The following CEP290 variants were observed in gnomAD, a reference collection of about 807,000 sequenced individuals.
CEP290 encodes centrosomal protein of 290 kDa.
Under a neutral mutation model 344.9 loss-of-function variants are expected in CEP290, and 317 were observed. The observed-to-expected ratio is 0.92, with a 90% CI of 0.84 to 1.01. CEP290 has a LOEUF of 1.01. Ranked by LOEUF, CEP290 falls within the 50% of genes least tolerant of loss-of-function variation. CEP290 has a pLI of 0.00. For synonymous variants in CEP290, 932 were observed against 895.8 expected (o/e 1.04, Z -0.72); for missense variants, 2,754 against 2,761.4 (o/e 1.00, Z 0.06).
At position 88,064,165 on chromosome 12, in the gene CEP290, CCATAAAAGA is replaced by C. The variant is rs2136817209; in HGVS notation, c.6136-59_6136-51del. On this transcript the variant is annotated intron_variant, in intron 44 of 53. Transcript: ENST00000552810. ...ATTTTTAAAGTTTAATAAATAAAAG[CCATAAAAGA>C]CATACTGGATAAGAAAATACTGTCA... 6 of 1,428,348 alleles carry C rather than the reference CCATAAAAGA, an allele frequency of 4.2e-6. No individual in the cohort carries two copies. The East Asian group carries it at 1.0e-4, about 24-fold the overall frequency. 88.5% of individuals were successfully genotyped at this position (1,428,348 alleles called of 1,614,324 possible).
intron 6 of CEP290, among the ~76,000 whole-genome samples, chr12:88,134,939 T>C (rs2040272621): frequency 6.6e-6 from 1 of 152,168 alleles, no homozygotes; most frequent in Admixed American, 6.5e-5. Flanking sequence ...CTTACCAGTC[T>C]AACTATACTT....
At chr12:88,061,937 C>T (rs1362544661) in intron 46 of CEP290, among the ~76,000 whole-genome samples, 3 of 152,044 alleles carry the variant, frequency 2.0e-5, no homozygotes, top group African/African-American at 4.8e-5. Context: ...AGCCACCATG[C>T]CCAGCTAATT....
At chr12:88,071,267 G>A (rs1371421338) in intron 43 of CEP290, 27 bp downstream of exon 43, 2 of 1,571,980 alleles carry the variant, frequency 1.3e-6, no homozygotes, top group Admixed American at 1.7e-5. Context: ...ATTACAATGG[G>A]TGGCACATTT....
Position 88,096,915 on chromosome 12 carries a change from G to T in CEP290, c.3076C>A (p.Gln1026Lys). 1 of 1,575,654 alleles carries T rather than the reference G, an allele frequency of 6.3e-7. No homozygotes were observed. Residue 1026 changes from glutamine to lysine, a missense_variant, in exon 27 of 54, where the codon CAA (glutamine) becomes AAA (lysine). Coordinates refer to ENST00000552810, the MANE Select transcript of CEP290 (RefSeq NM_025114.4). ...ITKEKLHTIE[Q>K]AWEQETKLGN... ...AATTTAGTTTCCTGTTCCCAGGCTT[G>T]TTCAATAGTGTGAAGTTTTTCCTTG...
intron 30 of CEP290, 130 bp downstream of exon 30, chr12:88,090,598 C>T (rs2137299552): frequency 1.6e-6 from 1 of 630,328 alleles, no homozygotes; most frequent in Non-Finnish European, 2.7e-6. Flanking sequence ...CCACTGCACT[C>T]CACCCTGGGC....
chr12:88,134,378 T>C (rs1206645452), intron 6 of CEP290, among the ~76,000 whole-genome samples: 1 of 152,232 alleles, frequency 6.6e-6, no homozygotes, highest in Non-Finnish European at 1.5e-5. Context: ...TTAACACAAA[T>C]GTTTCCTTAC....
intron 41 of CEP290, among the ~76,000 whole-genome samples, chr12:88,073,735 C>T (rs1411985795): frequency 6.6e-6 from 1 of 151,810 alleles, no homozygotes; most frequent in African/African-American, 2.4e-5. Flanking sequence ...GTTCAAAGAC[C>T]AGCCAGGGCA....
At chr12:88,073,648 A>T (rs551141752) in intron 41 of CEP290, among the ~76,000 whole-genome samples, 15 of 152,230 alleles carry the variant, frequency 9.9e-5, no homozygotes, top group Middle Eastern at 3.4e-3. Flanking sequence ...TTTAAAGTCA[A>T]ATTCCTGGGG....
At chr12:88,080,472 C>T in intron 37 of CEP290, 77 bp from the exon 38 acceptor site, 1 of 1,061,776 alleles carries the variant, frequency 9.4e-7, no homozygotes, top group Non-Finnish European at 1.4e-6. Context: ...CTCTGTCACC[C>T]AGGCTGGAGT....
At chr12:88,131,742 A>G (rs981581030) in intron 6 of CEP290, among the ~76,000 whole-genome samples, 3 of 152,216 alleles carry the variant, frequency 2.0e-5, no homozygotes, top group African/African-American at 7.2e-5. Flanking sequence ...CATTTTAAAG[A>G]ATTAAAAAGA....
intron 29 of CEP290, among the ~76,000 whole-genome samples, chr12:88,092,250 T>A (rs1212076863): frequency 6.6e-6 from 1 of 152,168 alleles, no homozygotes; most frequent in Non-Finnish European, 1.5e-5. Flanking sequence ...CCGATAAATG[T>A]AAACTAAATC....
At chr12:88,111,587 T>C (rs1565885009) in intron 21 of CEP290, 107 bp downstream of exon 21, 1 of 984,012 alleles carries the variant, frequency 1.0e-6, no homozygotes, top group Non-Finnish European at 1.4e-6. Flanking sequence ...AAAGAATTAA[T>C]TCAAGGGGCA....
rs771864158 is a variant in CEP290 at position 88,080,261 on chromosome 12, G to T, written c.5147C>A (p.Ser1716Ter). 6.8e-6 allele frequency: 11 copies of T among 1,613,534 alleles called. No individual in the cohort carries two copies. The highest frequency in any genetic ancestry group is 9.3e-6 in the Non-Finnish European group (11 of 1,179,736). The change falls in exon 38 of 54, where the codon TCA becomes TAA. Residue 1716 changes from serine (S) to a stop codon, truncating the protein, a stop_gained. Coordinates refer to ENST00000552810, the MANE Select transcript of CEP290 (RefSeq NM_025114.4). LOFTEE classifies it high-confidence loss of function. Reference protein sequence around the residue: ...SELQAQKEANSRAPTTTMRNL... With the variant: ...SELQAQKEAN ...TCTCATTGTAGTTGTTGGAGCTCTT[G>T]AATTTGCTTCTTTTTGAGCCTGAAG... is the stretch of plus-strand genomic sequence containing the variant.
intron 26 of CEP290, 57 bp downstream of exon 26, chr12:88,102,780 CA>C: frequency 6.7e-7 from 1 of 1,489,948 alleles, no homozygotes. Context: ...CCCCCAAACA[CA>C]AAAATATTGA....
At chr12:88,136,487 T>C in intron 6 of CEP290, 156 bp downstream of exon 6, 1 of 678,288 alleles carries the variant, frequency 1.5e-6, no homozygotes, top group Non-Finnish European at 2.5e-6. Flanking sequence ...TTAAAATTGG[T>C]GATGACAAAA....
At chr12:88,115,528 ACT>A in intron 18 of CEP290, 2 of 1,293,846 alleles carry the variant, frequency 1.5e-6, no homozygotes, top group Non-Finnish European at 2.0e-6. Flanking sequence ...GCATTTCTAC[ACT>A]CTGCTTCTTT....
intron 27 of CEP290, among the ~76,000 whole-genome samples, chr12:88,095,040 A>C (rs533088654): frequency 6.6e-6 from 1 of 152,280 alleles, no homozygotes; most frequent in African/African-American, 2.4e-5. Context: ...AACTAACAAT[A>C]ATGGATCACT....
intron 29 of CEP290, among the ~76,000 whole-genome samples, 180 bp from the exon 30 acceptor site, chr12:88,091,019 G>T (rs2036995359): frequency 6.6e-6 from 1 of 151,994 alleles, no homozygotes; most frequent in Admixed American, 6.5e-5. Context: ...TCCATCAGAG[G>T]TTATCATGTT....
In CEP290 at chr12:88,064,108, C is replaced by G. The variant is rs2034701900; in HGVS notation, c.6143G>C (p.Gly2048Ala). The change falls in exon 45 of 54, where the codon GGA becomes GCA. Residue 2048 changes from glycine to alanine, a missense_variant. By Grantham distance (60) the Gly-to-Ala change is moderately conservative. Coordinates refer to ENST00000552810, the MANE Select transcript of CEP290 (RefSeq NM_025114.4). Reference sequence around the variant, plus strand: ...CTGACAATGATCATCTGACTCTATTCCTGAAATCTTCAGGGAAATGAAATT... The same window carrying G: ...CTGACAATGATCATCTGACTCTATTGCTGAAATCTTCAGGGAAATGAAATT... Reference protein sequence around the residue: ...KDTYSKPSISGIESDDHCQRE... With the variant: ...KDTYSKPSISAIESDDHCQRE... The G allele has an allele frequency of 6.4e-7, 1 of 1,559,028 alleles. No individual in the cohort carries two copies. The highest frequency in any genetic ancestry group is 8.7e-7 in the Non-Finnish European group (1 of 1,153,100).
Sources: gnomAD v4.1 joint callset for allele counts (sites outside exome capture counted in the v4.1 genomes callset) on GRCh38, gnomAD v4.1.1 for gene constraint, MANE v1.5 for transcripts, NCBI Gene and HGNC (gene_info 2026-07-23, HGNC 2026-07-21) for gene names.